Variants in DENND5A observed in about 807,000 individuals in gnomAD.
DENND5A encodes DENN domain containing 5A, also known as DENN domain-containing protein 5A.
A neutral mutation model predicts 140.3 loss-of-function variants in DENND5A; 64 were observed. That is an observed-to-expected ratio of 0.46 (90% CI 0.37 to 0.56). The LOEUF (loss-of-function observed/expected upper bound fraction) is 0.56. DENND5A is among the 20% of genes least tolerant of loss of function. DENND5A has a pLI of 0.00. For synonymous variants in DENND5A, 605 were observed against 607.7 expected (o/e 1.00, Z 0.07); for missense variants, 1,292 against 1,593.8 (o/e 0.81, Z 3.22).
chr11:9,160,885 A>C lies in DENND5A; in HGVS notation c.2284-20T>G, dbSNP rs748153444. On this transcript the variant is annotated intron_variant, in intron 11 of 22. Coordinates refer to ENST00000328194, the MANE Select transcript of DENND5A (RefSeq NM_015213.4). The stretch of plus-strand genomic sequence containing the variant: ...CTTGGTCTACAAGGAAGCAGTCAAC[A>C]GGATTAAATAACCACAGTGAGCAGG... 6.2e-7 allele frequency: 1 copy of C among 1,612,204 alleles called. No homozygotes were observed.
chr11:9,220,774 T>A (rs971968113), intron 1 of DENND5A, among the ~76,000 whole-genome samples: 21 of 151,718 alleles, frequency 1.4e-4, no homozygotes, highest in Admixed American at 6.6e-5. Context: ...GTACCTGTAA[T>A]CCCAGCTACT....
At position 9,215,415 on chromosome 11, in the gene DENND5A, C is replaced by T. The variant is rs116529464; in HGVS notation, c.110-7783G>A. The stretch of plus-strand genomic sequence containing the variant: ...TGTTCACATTGCCTTCCTTTTAGCC[C>T]AGCCGAATGCCCTGCAGAGCACACA... On this transcript the variant is annotated intron_variant, in intron 1 of 22. Coordinates refer to ENST00000328194, the MANE Select transcript of DENND5A (RefSeq NM_015213.4). Among the ~76,000 whole-genome samples the T allele has an allele frequency of 3.6e-3, 554 of 152,282 alleles. 4 individuals carry two copies. Among genetic ancestry groups the T allele is most frequent in the African/African-American group, 0.012 (500 of 41,554 alleles).
chr11:9,215,523 C>T (rs567492903), intron 1 of DENND5A, among the ~76,000 whole-genome samples: 1 of 151,452 alleles, frequency 6.6e-6, no homozygotes, highest in African/African-American at 2.4e-5. Flanking sequence ...GTCTTTTAGA[C>T]CAGTCTAAGA....
At chr11:9,248,965 C>T (rs1178518886) in intron 1 of DENND5A, among the ~76,000 whole-genome samples, 1 of 152,082 alleles carries the variant, frequency 6.6e-6, no homozygotes, top group Non-Finnish European at 1.5e-5. Context: ...TGGCTGGGCG[C>T]GGTGGCTCAC....
At chr11:9,230,216 A>G (rs1450920344) in intron 1 of DENND5A, among the ~76,000 whole-genome samples, 2 of 118,166 alleles carry the variant, frequency 1.7e-5, no homozygotes, top group Non-Finnish European at 3.4e-5. Context: ...GCCCCATTTC[A>G]TGTAAAACTA....
intron 1 of DENND5A, among the ~76,000 whole-genome samples, chr11:9,238,257 A>C (rs1204618251): frequency 6.6e-6 from 1 of 152,178 alleles, no homozygotes; most frequent in African/African-American, 2.4e-5. Flanking sequence ...AAAATTTTAC[A>C]TTACACATTA....
At chr11:9,164,291 G>C (rs1346796824) in intron 11 of DENND5A, among the ~76,000 whole-genome samples, 1 of 134,418 alleles carries the variant, frequency 7.4e-6, no homozygotes, top group Non-Finnish European at 1.5e-5. Flanking sequence ...GGGCTCGAGT[G>C]ATTCACCCAC....
At chr11:9,195,353 G>A (rs1001939985) in intron 4 of DENND5A, among the ~76,000 whole-genome samples, 5 of 152,190 alleles carry the variant, frequency 3.3e-5, no homozygotes, top group Admixed American at 6.5e-5. Flanking sequence ...TGGGATTACA[G>A]GAATGAGCCA....
At chr11:9,224,755 G>A (rs1332397231) in intron 1 of DENND5A, among the ~76,000 whole-genome samples, 1 of 151,792 alleles carries the variant, frequency 6.6e-6, no homozygotes, top group Non-Finnish European at 1.5e-5. Flanking sequence ...CCACTCAGGA[G>A]GCTGAGGCAA....
At chr11:9,199,740 C>T (rs984314605) in intron 4 of DENND5A, among the ~76,000 whole-genome samples, 3 of 152,168 alleles carry the variant, frequency 2.0e-5, no homozygotes, top group African/African-American at 7.2e-5. Context: ...GAGGGCAGGA[C>T]ATGCAGCAGG....
chr11:9,146,080 G>A (rs1259628192), intron 16 of DENND5A, among the ~76,000 whole-genome samples: 1 of 152,170 alleles, frequency 6.6e-6, no homozygotes, highest in Non-Finnish European at 1.5e-5. Flanking sequence ...TGTAGGCTCA[G>A]AACTAAATGA....
intron 16 of DENND5A, 79 bp from the exon 17 acceptor site, chr11:9,145,894 G>T: frequency 6.6e-7 from 1 of 1,507,244 alleles, no homozygotes; most frequent in Non-Finnish European, 9.1e-7. Flanking sequence ...ACCTGCTCCA[G>T]GAAGGCTGGC....
intron 20 of DENND5A, 125 bp downstream of exon 20, chr11:9,143,278 C>G: frequency 1.2e-6 from 1 of 864,638 alleles, no homozygotes; most frequent in Non-Finnish European, 1.9e-6. Flanking sequence ...GAGGCACACA[C>G]TCTACAAGAC....
chr11:9,157,895 CTTAT>C (rs1006251271), intron 12 of DENND5A, among the ~76,000 whole-genome samples: 1 of 152,142 alleles, frequency 6.6e-6, no homozygotes, highest in African/African-American at 2.4e-5. Flanking sequence ...GTGCAAGTTG[CTTAT>C]TTAAAGTCAT....
At chr11:9,207,521 T>C in intron 2 of DENND5A, 40 bp downstream of exon 2, 1 of 1,470,886 alleles carries the variant, frequency 6.8e-7, no homozygotes, top group Non-Finnish European at 9.5e-7. Flanking sequence ...TAAGAACCAT[T>C]AGAAAGCTTT....
chr11:9,246,818 T>A (rs926958910), intron 1 of DENND5A, among the ~76,000 whole-genome samples: 1 of 152,130 alleles, frequency 6.6e-6, no homozygotes, highest in East Asian at 1.9e-4. Flanking sequence ...CTACAACCCA[T>A]AAACCCCACT....
chr11:9,153,782 G>A (rs968504254), intron 12 of DENND5A, among the ~76,000 whole-genome samples: 1 of 152,196 alleles, frequency 6.6e-6, no homozygotes, highest in Non-Finnish European at 1.5e-5. Context: ...ATAGAACCTT[G>A]GCGTTTGGAA....
intron 1 of DENND5A, among the ~76,000 whole-genome samples, chr11:9,250,772 T>G (rs1436154738): frequency 6.6e-6 from 1 of 152,228 alleles, no homozygotes; most frequent in African/African-American, 2.4e-5. Context: ...GCTCTGACAT[T>G]TTTTGATTCT....
intron 8 of DENND5A, chr11:9,175,634 T>C (rs571524479): frequency 2.6e-4 from 39 of 152,326 alleles, no homozygotes; most frequent in Middle Eastern, 3.4e-3. Flanking sequence ...GGTATAAATG[T>C]AGACCAACAG....
Sources: allele counts gnomAD v4.1 joint callset (sites outside exome capture counted in the v4.1 genomes callset), GRCh38; gene constraint gnomAD v4.1.1; transcripts MANE v1.5; gene names NCBI Gene and HGNC (gene_info 2026-07-23, HGNC 2026-07-21).